DOCK2: variants seen among roughly 807,000 people sequenced by gnomAD.
The protein encoded by DOCK2 is dedicator of cytokinesis protein 2.
Under a neutral mutation model 248.9 loss-of-function variants are expected in DOCK2, and 87 were observed. The observed-to-expected ratio is 0.35, with a 90% CI of 0.29 to 0.42. The LOEUF is 0.42. Among genes scored for constraint, DOCK2 ranks in the 10% least tolerant of loss-of-function variants. The pLI is 1.00. For synonymous variants in DOCK2, 805 were observed against 821.6 expected (o/e 0.98, Z 0.35); for missense variants, 1,747 against 2,300.2 (o/e 0.76, Z 4.92).
At chr5:169,668,227 T>C (rs567099228) in intron 2 of DOCK2, among the ~76,000 whole-genome samples, 1 of 152,328 alleles carries the variant, frequency 6.6e-6, no homozygotes, top group Admixed American at 6.5e-5. Context: ...TAGAATGGTA[T>C]TTTTATTTCC....
intron 23 of DOCK2, among the ~76,000 whole-genome samples, chr5:169,756,148 A>T (rs946157448): frequency 4.6e-5 from 7 of 152,190 alleles, no homozygotes; most frequent in African/African-American, 1.7e-4. Context: ...ATTTGACTGT[A>T]TGGCCTACCT....
chr5:169,660,623 T>C (rs570462590), intron 2 of DOCK2, among the ~76,000 whole-genome samples: 1 of 152,326 alleles, frequency 6.6e-6, no homozygotes, highest in East Asian at 1.9e-4. Context: ...CCAAGAGCCA[T>C]AGGCAGTGGC....
At chr5:169,818,834 T>C (rs1768235313) in intron 26 of DOCK2, among the ~76,000 whole-genome samples, 1 of 152,168 alleles carries the variant, frequency 6.6e-6, no homozygotes, top group South Asian at 2.1e-4. Context: ...ATATTAATAA[T>C]TTCAGGTGAG....
intron 26 of DOCK2, among the ~76,000 whole-genome samples, chr5:169,807,543 A>G (rs1767455819): frequency 6.6e-6 from 1 of 152,132 alleles, no homozygotes; most frequent in South Asian, 2.1e-4. Flanking sequence ...AAAATCTAGC[A>G]TCTTCCGGCT....
intron 22 of DOCK2, among the ~76,000 whole-genome samples, chr5:169,742,052 G>A (rs1257184617): frequency 1.3e-5 from 2 of 151,946 alleles, no homozygotes; most frequent in East Asian, 1.9e-4. Context: ...TCCTGACCTC[G>A]TGATCTGCCC....
chr5:169,852,730 G>A (rs1770679099), intron 27 of DOCK2, among the ~76,000 whole-genome samples: 1 of 152,208 alleles, frequency 6.6e-6, no homozygotes, highest in Non-Finnish European at 1.5e-5. Context: ...TTTGACACAA[G>A]TGTCAGGAAT....
chr5:169,906,227 G>T (rs1016022932), intron 27 of DOCK2, among the ~76,000 whole-genome samples: 1 of 152,124 alleles, frequency 6.6e-6, no homozygotes, highest in Non-Finnish European at 1.5e-5. Flanking sequence ...GACGTCAAAC[G>T]CAAGCTTTAC....
At chr5:169,730,977 G>T (rs563227604) in intron 22 of DOCK2, among the ~76,000 whole-genome samples, 155 of 152,114 alleles carry the variant, frequency 1.0e-3, no homozygotes, top group African/African-American at 3.3e-3. Flanking sequence ...GAACTCCTGG[G>T]CTCAAGTGAT....
intron 2 of DOCK2, among the ~76,000 whole-genome samples, chr5:169,663,595 T>C (rs4867875): frequency 0.59 from 89,759 of 152,164 alleles, 26,828 homozygotes; most frequent in South Asian, 0.72. Flanking sequence ...TCTTGTCTCC[T>C]GTGCACCTGC....
chr5:170,008,713 G>A lies in DOCK2; in HGVS notation c.3199G>A (p.Gly1067Ser), dbSNP rs1432608677. ...GTATGGGGACATGAGACGGCTAATT[G>A]GCTTCTCCATCCGTGATATGTGGTA... ...NKYGDMRRLIGFSIRDMWYKL... is the reference protein window; with the variant it reads ...NKYGDMRRLISFSIRDMWYKL... Residue 1067 changes from glycine to serine, a missense_variant, in exon 32 of 52, where the codon GGC becomes AGC. Gly to Ser is a moderately conservative substitution (Grantham distance 56). This residue lies in a region of DOCK2 where 858 missense variants were observed against 1,183.5 expected (regional missense o/e 0.72). Transcript: ENST00000520908. 1 of 1,614,032 alleles carries A rather than the reference G, an allele frequency of 6.2e-7. No homozygotes were observed. Among genetic ancestry groups the A allele is most frequent in the Non-Finnish European group, 8.5e-7 (1 of 1,179,954 alleles).
chr5:169,658,769 G>A (rs1385249538), intron 2 of DOCK2, among the ~76,000 whole-genome samples: 1 of 151,320 alleles, frequency 6.6e-6, no homozygotes, highest in Non-Finnish European at 1.5e-5. Flanking sequence ...TTTAAGTTGG[G>A]CATGATGGTG....
rs143693375 is a variant in DOCK2 at position 169,782,629 on chromosome 5, CAG to C, written c.2555-20424_2555-20423del. On this transcript the variant is annotated intron_variant, in intron 25 of 51. Coordinates refer to ENST00000520908, the MANE Select transcript of DOCK2 (RefSeq NM_004946.3). Reference sequence around the variant, plus strand: ...CTTAGGGTCAGAAATAGGGGGAACACAGAGAGCAGGACTACCTAACTGTTTTG... The same window carrying C: ...CTTAGGGTCAGAAATAGGGGGAACACAGAGCAGGACTACCTAACTGTTTTG... Among the ~76,000 whole-genome samples, 1,291 of 152,006 alleles carry C rather than the reference CAG, an allele frequency of 8.5e-3. 21 individuals carry two copies. Among genetic ancestry groups the C allele is most frequent in the African/African-American group, 0.03 (1,222 of 41,396 alleles).
intron 27 of DOCK2, chr5:169,882,517 C>T: frequency 6.0e-6 from 9 of 1,494,098 alleles, no homozygotes; most frequent in African/African-American, 2.8e-5. Context: ...ATGACTTCAC[C>T]CAGTCATTTT....
rs1755975558 is a variant in DOCK2, at chr5:170,027,858, T to C, written c.3382-5T>C. On this transcript the variant is annotated splice_polypyrimidine_tract_variant and splice_region_variant and intron_variant, in intron 33 of 51. Coordinates refer to ENST00000520908, the MANE Select transcript of DOCK2 (RefSeq NM_004946.3). ...ATTGTTGATTTTTGTCTCCTACATCTTCAGTTTGAAAACGAAATCATCCTG... is the reference window on the plus strand; with the variant it reads ...ATTGTTGATTTTTGTCTCCTACATCCTCAGTTTGAAAACGAAATCATCCTG... 2.5e-6 allele frequency: 4 copies of C among 1,611,626 alleles called. No individual in the cohort carries two copies. The highest frequency in any genetic ancestry group is 3.4e-6 in the Non-Finnish European group (4 of 1,178,888).
chr5:169,872,108 G>A (rs887605099), intron 27 of DOCK2, among the ~76,000 whole-genome samples: 7 of 152,114 alleles, frequency 4.6e-5, no homozygotes, highest in Admixed American at 3.9e-4. Context: ...GCGTCTCCCT[G>A]AAGACAAACC....
intron 23 of DOCK2, among the ~76,000 whole-genome samples, chr5:169,752,917 T>C (rs1165236863): frequency 1.3e-5 from 2 of 151,902 alleles, no homozygotes; most frequent in East Asian, 3.9e-4. Context: ...ATACAAAAAT[T>C]AGCTGGGCGT....
chr5:170,081,969 G>A lies in DOCK2; in HGVS notation c.5415G>A (p.Gln1805=). 2 of 1,614,048 alleles carry A rather than the reference G, an allele frequency of 1.2e-6. No individual in the cohort carries two copies. The highest frequency in any genetic ancestry group is 1.7e-6 in the Non-Finnish European group (2 of 1,179,956). ...KKTLTRKKVN[Q]FFKTMLASKS... ...CACTCACACGGAAGAAGGTCAATCA[G>A]TTCTTCAAGACAATGGTGAGGACAT... Residue 1805 remains glutamine, a synonymous_variant, in exon 51 of 52, where the codon CAG becomes CAA. Coordinates refer to ENST00000520908, the MANE Select transcript of DOCK2 (RefSeq NM_004946.3).
intron 26 of DOCK2, among the ~76,000 whole-genome samples, chr5:169,835,544 C>T (rs1047498988): frequency 2.0e-5 from 3 of 151,978 alleles, no homozygotes; most frequent in Admixed American, 6.5e-5. Flanking sequence ...CATGAGTCAG[C>T]GGGCCTGGCC....
chr5:169,723,948 T>A (rs1409728789), intron 22 of DOCK2, among the ~76,000 whole-genome samples: 1 of 152,228 alleles, frequency 6.6e-6, no homozygotes, highest in South Asian at 2.1e-4. Context: ...TCATTAAGTA[T>A]GAAATTGGAC....
Sources: gnomAD v4.1 joint callset for allele counts (sites outside exome capture counted in the v4.1 genomes callset) on GRCh38, gnomAD v4.1.1 for gene constraint, gnomAD v4.1.1 regional missense constraint, MANE v1.5 for transcripts, NCBI Gene and HGNC (gene_info 2026-07-23, HGNC 2026-07-21) for gene names.